PRKAR1B: variants seen among roughly 807,000 people sequenced by gnomAD.
The protein encoded by PRKAR1B is protein kinase cAMP-dependent type I regulatory subunit beta.
PRKAR1B carries 22 observed loss-of-function variants against 46.5 expected under a neutral mutation model. That is an observed-to-expected ratio of 0.47 (90% CI 0.34 to 0.68). The LOEUF (loss-of-function observed/expected upper bound fraction) is 0.68. Ranked by LOEUF, PRKAR1B falls within the 30% of genes least tolerant of loss-of-function variation. The pLI, the probability that PRKAR1B is intolerant of heterozygous loss-of-function variation, is 0.01. For synonymous variants in PRKAR1B, 259 were observed against 217.7 expected, an observed-to-expected ratio of 1.19 and a Z score of -1.67; for missense variants, 445 against 535.6, an observed-to-expected ratio of 0.83 and a Z score of 1.67.
chr7:720,478 G>C (rs940899679), intron 1 of PRKAR1B, among the ~76,000 whole-genome samples: 1 of 152,244 alleles, frequency 6.6e-6, no homozygotes, highest in Non-Finnish European at 1.5e-5. Context: ...TGAGTGGTGT[G>C]TTCTGCAAAC....
intron 7 of PRKAR1B, among the ~76,000 whole-genome samples, chr7:588,595 C>CGAT (rs1562541753): frequency 3.3e-4 from 8 of 24,048 alleles, no homozygotes; most frequent in South Asian, 1.0e-3. Flanking sequence ...GTGGTGATGA[C>CGAT]GGTGGTGATG....
intron 1 of PRKAR1B, among the ~76,000 whole-genome samples, chr7:724,316 C>T (rs1781174362): frequency 6.6e-6 from 1 of 152,116 alleles, no homozygotes; most frequent in Non-Finnish European, 1.5e-5. Context: ...TGGGAAGGAC[C>T]CAGTGGGAGG....
intron 4 of PRKAR1B, among the ~76,000 whole-genome samples, chr7:610,769 CT>C (rs1782436779): frequency 6.6e-6 from 1 of 152,232 alleles, no homozygotes; most frequent in Admixed American, 6.5e-5. Context: ...CTGGCCTCTT[CT>C]GTCTGTAAAA....
chr7:634,950 T>C (rs940297546), intron 4 of PRKAR1B, among the ~76,000 whole-genome samples: 4 of 152,104 alleles, frequency 2.6e-5, no homozygotes, highest in African/African-American at 9.7e-5. Flanking sequence ...TGCAACTTAC[T>C]CTCAAATGAT....
chr7:726,988 G>A, intron 1 of PRKAR1B: 2 of 1,270,894 alleles, frequency 1.6e-6, no homozygotes, highest in East Asian at 3.6e-5. Flanking sequence ...CGACCCCGCC[G>A]AGGGCTGCCG....
chr7:558,093 G>A (rs913648292), intron 9 of PRKAR1B, among the ~76,000 whole-genome samples: 17 of 151,520 alleles, frequency 1.1e-4, no homozygotes, highest in East Asian at 2.0e-4. Flanking sequence ...GTGGGAGGGC[G>A]GCTTGAGGCC....
In PRKAR1B at chr7:662,194, C is replaced by A. The variant is rs182986752; in HGVS notation, c.440+15035G>T. Reference sequence around the variant, plus strand: ...ACAGATCCAAATACCTACTCTCCCCCCCATGGCACAGGTCCCCACCCCAAC... The same window carrying A: ...ACAGATCCAAATACCTACTCTCCCCACCATGGCACAGGTCCCCACCCCAAC... On this transcript the variant is annotated intron_variant, in intron 4 of 10. Transcript: ENST00000537384. 2.0e-3 allele frequency among the ~76,000 whole-genome samples: 199 copies of A among 100,680 alleles called. 3 individuals carry two copies. The highest frequency in any genetic ancestry group is 0.013 in the Middle Eastern group (2 of 154). The allele number at this position is 100,680 out of a possible 152,430, so 66.0% of individuals were successfully genotyped here.
At chr7:597,496 G>A (rs1351921171) in intron 6 of PRKAR1B, among the ~76,000 whole-genome samples, 5 of 152,198 alleles carry the variant, frequency 3.3e-5, no homozygotes, top group South Asian at 2.1e-4. Flanking sequence ...GCAGGATTAC[G>A]GGGCAGAAGA....
rs1299076637 is a variant in PRKAR1B at position 714,968 on chromosome 7, T to C, written c.-22-3441A>G. On this transcript the variant is annotated intron_variant, in intron 1 of 10. Coordinates refer to ENST00000537384, the MANE Select transcript of PRKAR1B (RefSeq NM_001164760.2). This position sits in a 1 kb window ranked among gnomAD's most constrained non-coding sequence, Gnocchi z 4.3. ...TGGGAGGCCGAGGCAGGTGGGTCAC[T>C]GGAGGTCAGGAGTTCAAGACCAGCC... Among the ~76,000 whole-genome samples, 1 of 152,080 alleles carries C rather than the reference T, an allele frequency of 6.6e-6. No homozygotes were observed. Among genetic ancestry groups the C allele is most frequent in the Non-Finnish European group, 1.5e-5 (1 of 68,018 alleles).
chr7:607,556 TG>T lies in PRKAR1B; in HGVS notation c.441-105del, dbSNP rs1249065566. On this transcript the variant is annotated intron_variant, in intron 4 of 10. Coordinates refer to ENST00000537384, the MANE Select transcript of PRKAR1B (RefSeq NM_001164760.2). ...CTTGTGTAAATCGCTTCACAGTCAT[TG>T]GGGAAAATGAGAAAATCCATGAGAG... 4 of 998,786 alleles carry T rather than the reference TG, an allele frequency of 4.0e-6. No homozygotes were observed. The African/African-American group carries it at 6.4e-5, about 16-fold the overall frequency. 61.9% of individuals were successfully genotyped at this position (998,786 alleles called of 1,614,324 possible).
At chr7:564,524 T>A (rs1779016812) in intron 9 of PRKAR1B, among the ~76,000 whole-genome samples, 1 of 152,152 alleles carries the variant, frequency 6.6e-6, no homozygotes, top group Non-Finnish European at 1.5e-5. Flanking sequence ...ACGTGGGCAG[T>A]CACACACTCA....
intron 4 of PRKAR1B, among the ~76,000 whole-genome samples, chr7:616,990 G>GCT (rs1311652179): frequency 8.1e-6 from 1 of 123,518 alleles, no homozygotes; most frequent in African/African-American, 2.8e-5. Flanking sequence ...ACACCCAAGT[G>GCT]CTTTTTTTTT....
At chr7:557,063 G>A (rs974309932) in intron 9 of PRKAR1B, among the ~76,000 whole-genome samples, 17 of 152,216 alleles carry the variant, frequency 1.1e-4, no homozygotes, top group Non-Finnish European at 2.9e-5. Flanking sequence ...GGCCTGGGCC[G>A]GGCAGCTTCC....
intron 4 of PRKAR1B, 101 bp from the exon 5 acceptor site, chr7:607,553 C>CAA: frequency 9.7e-7 from 1 of 1,029,316 alleles, no homozygotes; most frequent in Non-Finnish European, 1.5e-6. Context: ...GCTTCACAGT[C>CAA]ATTGGGGAAA....
chr7:555,926 C>A (rs1426971805), intron 9 of PRKAR1B, among the ~76,000 whole-genome samples: 1 of 152,212 alleles, frequency 6.6e-6, no homozygotes, highest in Non-Finnish European at 1.5e-5. Context: ...CCAGGCCCCC[C>A]ACCTCAATGC....
At chr7:685,265 T>TA (rs1345589998) in intron 2 of PRKAR1B, among the ~76,000 whole-genome samples, 89 of 28,466 alleles carry the variant, frequency 3.1e-3, no homozygotes, top group African/African-American at 0.013. Context: ...TATATACATA[T>TA]ATACGTATAT....
intron 4 of PRKAR1B, among the ~76,000 whole-genome samples, chr7:658,948 G>A (rs1785353212): frequency 6.6e-6 from 1 of 152,224 alleles, no homozygotes; most frequent in South Asian, 2.1e-4. Context: ...ACCGTGCCTG[G>A]CCTAATGTTT....
chr7:609,749 T>C (rs1782370033), intron 4 of PRKAR1B, among the ~76,000 whole-genome samples: 1 of 152,184 alleles, frequency 6.6e-6, no homozygotes, highest in African/African-American at 2.4e-5. Flanking sequence ...TATTCTTTTT[T>C]TTCTTTTAAG....
chr7:691,521 G>A (rs1349322932), intron 2 of PRKAR1B: 2 of 1,304,374 alleles, frequency 1.5e-6, no homozygotes, highest in African/African-American at 3.0e-5. Context: ...AGCAAATGAA[G>A]AGGAGAGCTG....
Sources: gnomAD v4.1 joint callset for allele counts (sites outside exome capture counted in the v4.1 genomes callset) on GRCh38, gnomAD v4.1.1 for gene constraint, Gnocchi (gnomAD v3.1) non-coding constraint, MANE v1.5 for transcripts, NCBI Gene and HGNC (gene_info 2026-07-23, HGNC 2026-07-21) for gene names.